Variants in ELF5 observed in about 807,000 individuals in gnomAD.
ELF5 encodes the protein E74 like ETS transcription factor 5.
Under a neutral mutation model 38.2 loss-of-function variants are expected in ELF5, and 31 were observed. That is an observed-to-expected ratio of 0.81 (90% CI 0.61 to 1.10). The LOEUF is 1.10. ELF5 is among the 50% of genes least tolerant of loss of function. ELF5 has a pLI of 0.00. For missense variants in ELF5, 300 were observed against 306.6 expected, an observed-to-expected ratio of 0.98 and a Z score of 0.16; for synonymous variants, 121 against 112.5, an observed-to-expected ratio of 1.08 and a Z score of -0.48.
intron 2 of ELF5, among the ~76,000 whole-genome samples, chr11:34,498,612 G>A (rs1850374587): frequency 6.6e-6 from 1 of 152,200 alleles, no homozygotes; most frequent in Non-Finnish European, 1.5e-5. Context: ...TTCTGAAACT[G>A]AGCAGAGGAG....
At position 34,490,018 on chromosome 11, in the gene ELF5, T is replaced by G; in HGVS notation, c.397A>C (p.Ile133Leu). 6.2e-7 allele frequency: 1 copy of G among 1,614,176 alleles called. No individual in the cohort carries two copies. Among genetic ancestry groups the G allele is most frequent in the Non-Finnish European group, 8.5e-7 (1 of 1,180,000 alleles). Reference protein sequence around the residue: ...FNDAEESKATIKDYADSNCLK... With the variant: ...FNDAEESKATLKDYADSNCLK... ...GCGCTTGGTTACTTACAGTCTTTGA[T>G]GGTGGCCTTGCTTTCTTCAGCGTCA... Residue 133 changes from isoleucine (I) to leucine (L), a missense_variant, in exon 4 of 7, where the codon ATC becomes CTC. By Grantham distance (5) the Ile-to-Leu change is conservative (BLOSUM62 2). Transcript: ENST00000257832.
At chr11:34,484,481 A>ATACTATCCTATCCTATCCTATCCTAT (rs111444312) in intron 4 of ELF5, among the ~76,000 whole-genome samples, 6,617 of 115,898 alleles carry the variant, frequency 0.057, 226 homozygotes, top group East Asian at 0.21. Flanking sequence ...ACACTATACT[A>ATACTATCCTATCCTATCCTATCCTAT]ACTATACTAT....
chr11:34,503,345 A>G (rs929844119), intron 2 of ELF5, among the ~76,000 whole-genome samples: 2 of 151,586 alleles, frequency 1.3e-5, no homozygotes, highest in African/African-American at 4.9e-5. Flanking sequence ...TTTTTCGTAG[A>G]GACGGGGTTT....
chr11:34,482,369 G>A, intron 5 of ELF5, 62 bp downstream of exon 5: 7 of 1,466,794 alleles, frequency 4.8e-6, no homozygotes, highest in Non-Finnish European at 6.6e-6. Flanking sequence ...TATTAAAGTA[G>A]ATGACTTTGT....
chr11:34,489,232 T>C (rs1304833606), intron 4 of ELF5, among the ~76,000 whole-genome samples: 1 of 152,130 alleles, frequency 6.6e-6, no homozygotes, highest in African/African-American at 2.4e-5. Flanking sequence ...GTTGATTGTT[T>C]GGGACTGTAA....
intron 3 of ELF5, chr11:34,493,243 C>T (rs1037779234): frequency 5.0e-6 from 3 of 600,334 alleles, no homozygotes; most frequent in East Asian, 2.8e-5. Context: ...ACGTGGTGTC[C>T]GTTTTTCTTT....
intron 1 of ELF5, among the ~76,000 whole-genome samples, chr11:34,508,815 T>C (rs979419544): frequency 7.9e-5 from 12 of 152,228 alleles, no homozygotes; most frequent in African/African-American, 2.9e-4. Context: ...CAAGGTCACA[T>C]AGCCAGTGGA....
At chr11:34,491,169 G>C (rs1051757591) in intron 3 of ELF5, among the ~76,000 whole-genome samples, 1 of 152,152 alleles carries the variant, frequency 6.6e-6, no homozygotes, top group Non-Finnish European at 1.5e-5. Context: ...TAGAATTTAT[G>C]ATCTAAATGG....
intron 2 of ELF5, among the ~76,000 whole-genome samples, chr11:34,501,535 CT>C (rs1008361978): frequency 1.3e-4 from 20 of 152,254 alleles, no homozygotes; most frequent in African/African-American, 4.1e-4. Context: ...GAGAAACCAT[CT>C]TTTAAAAATA....
intron 4 of ELF5, among the ~76,000 whole-genome samples, chr11:34,489,207 T>A (rs1850094474): frequency 6.6e-6 from 1 of 152,230 alleles, no homozygotes; most frequent in Non-Finnish European, 1.5e-5. Flanking sequence ...AGGATCCAAG[T>A]AACGTGAGTC....
chr11:34,499,242 T>G (rs1850392661), intron 2 of ELF5, among the ~76,000 whole-genome samples: 1 of 152,058 alleles, frequency 6.6e-6, no homozygotes, highest in Admixed American at 6.6e-5. Context: ...AGGGAAAATT[T>G]TGATTTTTGG....
At chr11:34,493,456 G>A (rs1850229931) in intron 3 of ELF5, 23 bp downstream of exon 3, 6 of 1,605,998 alleles carry the variant, frequency 3.7e-6, no homozygotes, top group Non-Finnish European at 5.1e-6. Flanking sequence ...CTCCCCTGGA[G>A]GTCTGGCCCT....
At chr11:34,481,034 T>C (rs769178324) in intron 5 of ELF5, 67 bp from the exon 6 acceptor site, 48 of 1,243,078 alleles carry the variant, frequency 3.9e-5, no homozygotes, top group Non-Finnish European at 5.0e-5. Flanking sequence ...AATTAATTAA[T>C]TTTTTTGAGA....
chr11:34,489,904 G>A, intron 4 of ELF5, 105 bp downstream of exon 4: 1 of 1,363,242 alleles, frequency 7.3e-7, no homozygotes. Flanking sequence ...GTCTGGGATT[G>A]TTTTGGTTCA....
At chr11:34,506,399 C>T (rs1850614578) in intron 1 of ELF5, among the ~76,000 whole-genome samples, 1 of 152,184 alleles carries the variant, frequency 6.6e-6, no homozygotes, top group African/African-American at 2.4e-5. Context: ...TACTCAGTAC[C>T]TGTGTGATGA....
At chr11:34,511,582 C>T (rs1036946045) in intron 1 of ELF5, 1 of 1,614,138 alleles carries the variant, frequency 6.2e-7, no homozygotes, top group Non-Finnish European at 8.5e-7. Context: ...AAGCTGAGGT[C>T]CCCAGATGCC....
intron 2 of ELF5, among the ~76,000 whole-genome samples, chr11:34,500,184 TCAGAGGAGGC>T (rs1850426507): frequency 6.6e-6 from 1 of 152,114 alleles, no homozygotes; most frequent in Non-Finnish European, 1.5e-5. Context: ...ACAGTCTGGG[TCAGAGGAGGC>T]CCGAGTTAGA....
rs1172219509 is a variant in ELF5 at position 34,480,961 on chromosome 11, T to A, written c.482A>T (p.Gln161Leu). 1 of 1,599,816 alleles carries A rather than the reference T, an allele frequency of 6.3e-7. No homozygotes were observed. Among genetic ancestry groups the A allele is most frequent in the Non-Finnish European group, 8.5e-7 (1 of 1,175,088 alleles). The change falls in exon 6 of 7, where the codon CAA becomes CTA. Residue 161 changes from glutamine (Q) to leucine (L), a missense_variant. Transcript: ENST00000257832. ...TACAAATTCCCATAGATGAGAACTT[T>A]GGAGGCCTTTTGAAAAGGGGAAAAC... is the stretch of plus-strand genomic sequence containing the variant. ...DCHSHSRTSL[Q>L]SSHLWEFVRD...
intron 1 of ELF5, among the ~76,000 whole-genome samples, chr11:34,506,695 G>T (rs1243209203): frequency 6.6e-6 from 1 of 151,916 alleles, no homozygotes; most frequent in Non-Finnish European, 1.5e-5. Flanking sequence ...TGTATTTTTA[G>T]TAAAGATGGA....
Sources: allele counts gnomAD v4.1 joint callset (sites outside exome capture counted in the v4.1 genomes callset), GRCh38; gene constraint gnomAD v4.1.1; transcripts MANE v1.5; gene names NCBI Gene and HGNC (gene_info 2026-07-23, HGNC 2026-07-21).